The following PKNOX2 variants were observed in gnomAD, a reference collection of about 807,000 sequenced individuals.
PKNOX2 encodes PBX/knotted 1 homeobox 2.
PKNOX2 carries 14 observed loss-of-function variants against 53.1 expected under a neutral mutation model. The ratio of observed to expected loss-of-function variants is 0.26; its 90% CI spans 0.17 to 0.41. The LOEUF is 0.41. PKNOX2 is among the 10% of genes least tolerant of loss of function. The probability of loss-of-function intolerance (pLI) is 1.00; values close to 1 mark genes in which losing one functional copy is unlikely to be tolerated. For missense variants in PKNOX2, 496 were observed against 602.8 expected (o/e 0.82, Z 1.85); for synonymous variants, 257 against 242.8 (o/e 1.06, Z -0.54).
intron 10 of PKNOX2, among the ~76,000 whole-genome samples, chr11:125,417,346 G>A (rs932945976): frequency 6.6e-6 from 1 of 152,050 alleles, no homozygotes; most frequent in Non-Finnish European, 1.5e-5. Flanking sequence ...TGTGCGGGGA[G>A]ATCCTGGAGA....
chr11:125,381,686 C>T (rs1375624286), intron 5 of PKNOX2, among the ~76,000 whole-genome samples: 5 of 152,146 alleles, frequency 3.3e-5, no homozygotes, highest in African/African-American at 1.2e-4. Flanking sequence ...TGTCACGAGG[C>T]ACCTCATGAT....
intron 1 of PKNOX2, among the ~76,000 whole-genome samples, chr11:125,195,883 GCACA>G (rs56021315): frequency 0.011 from 1,624 of 143,856 alleles, 12 homozygotes; most frequent in East Asian, 0.013. Flanking sequence ...ATATGTACAT[GCACA>G]CACACACACA....
chr11:125,425,230 G>A (rs1037353192), intron 10 of PKNOX2, among the ~76,000 whole-genome samples: 8 of 152,152 alleles, frequency 5.3e-5, no homozygotes, highest in African/African-American at 1.2e-4. Flanking sequence ...GGTCACTTGC[G>A]TGTGTCAAGG....
At chr11:125,348,259 G>A (rs1174421036) in intron 3 of PKNOX2, among the ~76,000 whole-genome samples, 2 of 152,192 alleles carry the variant, frequency 1.3e-5, no homozygotes, top group Admixed American at 1.3e-4. Flanking sequence ...GGGTGGAGAG[G>A]TGTGAGGAAA....
At chr11:125,296,335 C>T (rs967772287) in intron 2 of PKNOX2, among the ~76,000 whole-genome samples, 3 of 152,190 alleles carry the variant, frequency 2.0e-5, no homozygotes, top group Non-Finnish European at 4.4e-5. Context: ...CTACCCAATA[C>T]AGATCCCTGC....
intron 3 of PKNOX2, among the ~76,000 whole-genome samples, chr11:125,348,599 T>A (rs1266178061): frequency 6.6e-6 from 1 of 152,198 alleles, no homozygotes; most frequent in Non-Finnish European, 1.5e-5. Context: ...TGGGCGGTTG[T>A]CTCTGGGCAC....
Position 125,422,953 on chromosome 11 carries a change from G to T in PKNOX2, c.937-6059G>T, listed in dbSNP as rs1285114396. ...CATGCGTCAAGCTACAGACTTATTT[G>T]TTATTTATTTAACAAACACAGAGTA... is the stretch of plus-strand genomic sequence containing the variant. On this transcript the variant is annotated intron_variant, in intron 10 of 12. Transcript: ENST00000298282. This position sits in a 1 kb window ranked among gnomAD's most constrained non-coding sequence, Gnocchi z 4.1. 1.3e-5 allele frequency among the ~76,000 whole-genome samples: 2 copies of T among 151,966 alleles called. No individual in the cohort carries two copies. The highest frequency in any genetic ancestry group is 2.9e-5 in the Non-Finnish European group (2 of 68,002).
In PKNOX2 at chr11:125,360,138, C is replaced by G. The variant is rs182302751; in HGVS notation, c.88-7708C>G. Among the ~76,000 whole-genome samples, 34 of 147,196 alleles carry G rather than the reference C, an allele frequency of 2.3e-4. 1 individual carries two copies. The East Asian group carries it at 6.6e-3, about 29-fold the overall frequency. ...TCCAGCCTGGGCAACAAGAGCGAAACTCCATCTCAAAAAAAAAAAAAAGAA... is the reference window on the plus strand; with the variant it reads ...TCCAGCCTGGGCAACAAGAGCGAAAGTCCATCTCAAAAAAAAAAAAAAGAA... On this transcript the variant is annotated intron_variant, in intron 4 of 12. Coordinates refer to ENST00000298282, the MANE Select transcript of PKNOX2 (RefSeq NM_001382323.2).
chr11:125,403,639 A>G (rs1365664721), intron 7 of PKNOX2, among the ~76,000 whole-genome samples: 1 of 152,196 alleles, frequency 6.6e-6, no homozygotes, highest in Non-Finnish European at 1.5e-5. Context: ...GGGCTACTCC[A>G]GAGCCCATGT....
chr11:125,427,630 T>C (rs758661898), intron 10 of PKNOX2, among the ~76,000 whole-genome samples: 1 of 152,138 alleles, frequency 6.6e-6, no homozygotes, highest in East Asian at 1.9e-4. Context: ...TGAGATTTCA[T>C]AGCTAGTCAT....
At chr11:125,272,093 G>T (rs1945833757) in intron 2 of PKNOX2, among the ~76,000 whole-genome samples, 1 of 152,226 alleles carries the variant, frequency 6.6e-6, no homozygotes, top group Admixed American at 6.5e-5. Flanking sequence ...CTGGCCTCAT[G>T]CCTACTCTCC....
intron 1 of PKNOX2, among the ~76,000 whole-genome samples, chr11:125,171,527 A>G (rs1345230520): frequency 2.0e-5 from 3 of 152,232 alleles, no homozygotes; most frequent in African/African-American, 4.8e-5. Context: ...ATTGGGAAGT[A>G]AAAGCACATA....
chr11:125,324,562 A>G (rs1336064608), intron 2 of PKNOX2, among the ~76,000 whole-genome samples: 11 of 152,184 alleles, frequency 7.2e-5, no homozygotes, highest in Non-Finnish European at 1.5e-5. Context: ...GACGATCACA[A>G]TGTGGCTGGC....
chr11:125,403,568 C>T (rs572853647), intron 7 of PKNOX2, among the ~76,000 whole-genome samples: 1 of 152,270 alleles, frequency 6.6e-6, no homozygotes, highest in African/African-American at 2.4e-5. Context: ...AAAAGAGAAG[C>T]TGAGAGAAGT....
intron 1 of PKNOX2, among the ~76,000 whole-genome samples, chr11:125,221,372 A>T (rs1013547311): frequency 1.4e-4 from 22 of 152,254 alleles, no homozygotes; most frequent in African/African-American, 5.3e-4. Flanking sequence ...AGTGTGTGGC[A>T]TCCATGTGAT....
chr11:125,408,034 C>G (rs925598738), intron 7 of PKNOX2, among the ~76,000 whole-genome samples: 40 of 152,284 alleles, frequency 2.6e-4, no homozygotes, highest in African/African-American at 7.5e-4. Context: ...ATCTGTTCAC[C>G]TTGCCTGCAA....
At chr11:125,365,611 C>T (rs1399935488) in intron 4 of PKNOX2, among the ~76,000 whole-genome samples, 2 of 152,138 alleles carry the variant, frequency 1.3e-5, no homozygotes, top group East Asian at 3.8e-4. Flanking sequence ...TTTTTTTAGA[C>T]GTTCTCTAAA....
chr11:125,194,252 T>C (rs562018364), intron 1 of PKNOX2, among the ~76,000 whole-genome samples: 29 of 152,324 alleles, frequency 1.9e-4, no homozygotes, highest in South Asian at 1.4e-3. Flanking sequence ...AGTCATCCCT[T>C]GCTAAGAGCA....
chr11:125,309,722 ACAT>A (rs1457723435), intron 2 of PKNOX2, among the ~76,000 whole-genome samples: 1 of 152,004 alleles, frequency 6.6e-6, no homozygotes, highest in African/African-American at 2.4e-5. Flanking sequence ...TCTCTACTCA[ACAT>A]CATCTTCTTG....
Sources: gnomAD v4.1 joint callset for allele counts (sites outside exome capture counted in the v4.1 genomes callset) on GRCh38, gnomAD v4.1.1 for gene constraint, Gnocchi (gnomAD v3.1) non-coding constraint, MANE v1.5 for transcripts, NCBI Gene and HGNC (gene_info 2026-07-23, HGNC 2026-07-21) for gene names.